RBM38: variants seen among roughly 807,000 people sequenced by gnomAD.
The protein encoded by RBM38 is RNA binding motif protein 38, also known as RNA-binding protein 38.
A neutral mutation model predicts 23.5 loss-of-function variants in RBM38; 11 were observed. That is an observed-to-expected ratio of 0.47 (90% CI 0.29 to 0.77). RBM38 has a LOEUF of 0.77. Ranked by LOEUF, RBM38 falls within the 30% of genes least tolerant of loss-of-function variation. RBM38 has a pLI of 0.08. For synonymous variants in RBM38, 165 were observed against 166.1 expected, an observed-to-expected ratio of 0.99 and a Z score of 0.05; for missense variants, 330 against 351.9, an observed-to-expected ratio of 0.94 and a Z score of 0.50.
intron 3 of RBM38, among the ~76,000 whole-genome samples, chr20:57,396,898 C>T (rs553427513): frequency 1.4e-4 from 21 of 152,308 alleles, no homozygotes; most frequent in South Asian, 4.1e-4. Flanking sequence ...CTGCCTCTGT[C>T]TTTTTTAGCA....
At chr20:57,392,279 C>T (rs1600741845) in intron 1 of RBM38, 1 of 524,128 alleles carries the variant, frequency 1.9e-6, no homozygotes, top group East Asian at 5.4e-5. Flanking sequence ...TCCTGCTTAC[C>T]TTCCAAGCAT....
chr20:57,393,170 C>G, intron 2 of RBM38, 109 bp from the exon 3 acceptor site: 1 of 1,054,910 alleles, frequency 9.5e-7, no homozygotes, highest in East Asian at 2.4e-5. Flanking sequence ...AGCGGATGAT[C>G]CCTTTTGACT....
intron 1 of RBM38, chr20:57,392,351 G>A: frequency 7.3e-7 from 1 of 1,360,982 alleles, no homozygotes; most frequent in African/African-American, 1.4e-5. Context: ...AGTCCAGGCG[G>A]CCCCCCAAGC....
chr20:57,391,961 C>G (rs1360808190), intron 1 of RBM38, 143 bp downstream of exon 1: 19 of 452,300 alleles, frequency 4.2e-5, no homozygotes, highest in African/African-American at 3.2e-4. Context: ...GCACCTGCCG[C>G]CTCTCCCGGG....
At chr20:57,401,988 T>C (rs922072883) in intron 3 of RBM38, among the ~76,000 whole-genome samples, 2 of 152,094 alleles carry the variant, frequency 1.3e-5, no homozygotes, top group African/African-American at 4.8e-5. Context: ...TCGCTCTGTC[T>C]CCAGGCTGGA....
chr20:57,401,527 G>C (rs1437814417), intron 3 of RBM38, among the ~76,000 whole-genome samples: 1 of 152,238 alleles, frequency 6.6e-6, no homozygotes, highest in Non-Finnish European at 1.5e-5. Flanking sequence ...GCAAAGCCGG[G>C]GCCTGCCTCA....
intron 3 of RBM38, among the ~76,000 whole-genome samples, chr20:57,398,894 G>A (rs188404639): frequency 6.6e-6 from 1 of 152,374 alleles, no homozygotes; most frequent in Non-Finnish European, 1.5e-5. Context: ...TAACTCTGCA[G>A]TGTGCTTGCG....
chr20:57,402,643 G>A (rs1049873649), intron 3 of RBM38, among the ~76,000 whole-genome samples: 3 of 152,264 alleles, frequency 2.0e-5, no homozygotes, highest in Non-Finnish European at 4.4e-5. Context: ...TGGCGTGTGA[G>A]TGGGGATGCT....
intron 3 of RBM38, among the ~76,000 whole-genome samples, chr20:57,395,846 GGCCTGACTCAGCGGCCAGTTT>G (rs1471174284): frequency 6.6e-6 from 1 of 152,158 alleles, no homozygotes; most frequent in Non-Finnish European, 1.5e-5. Context: ...AGCACAGCCG[GGCCTGACTCAGCGGCCAGTTT>G]TGTCGGCCTT....
chr20:57,403,139 A>G (rs2067346215), intron 3 of RBM38, among the ~76,000 whole-genome samples: 1 of 152,020 alleles, frequency 6.6e-6, no homozygotes, highest in Non-Finnish European at 1.5e-5. Context: ...GTCCCTAGGC[A>G]TTTTCCAGTG....
At position 57,392,689 on chromosome 20, in the gene RBM38, T is replaced by C. The variant is rs1376919328; in HGVS notation, c.273T>C (p.Ala91=). ...TMADRAAAER[A]CKDPNPIIDG... is the part of the protein sequence containing the mutation. Reference sequence around the variant, plus strand: ...CCGACCGGGCGGCAGCTGAGAGGGCTTGCAAAGACCCGAACCCCATCATCG... The same window carrying C: ...CCGACCGGGCGGCAGCTGAGAGGGCCTGCAAAGACCCGAACCCCATCATCG... The change falls in exon 2 of 4, where the codon GCT becomes GCC. Residue 91 remains alanine, a synonymous_variant. Transcript: ENST00000356208. The C allele has an allele frequency of 1.2e-6, 2 of 1,612,684 alleles. No individual in the cohort carries two copies. The highest frequency in any genetic ancestry group is 1.7e-5 in the Admixed American group (1 of 59,988).
chr20:57,407,928 C>G lies in RBM38; in HGVS notation c.*82C>G. 1 of 1,464,000 alleles carries G rather than the reference C, an allele frequency of 6.8e-7. No individual in the cohort carries two copies. Among genetic ancestry groups the G allele is most frequent in the Non-Finnish European group, 9.1e-7 (1 of 1,101,918 alleles). The allele number at this position is 1,464,000 out of a possible 1,614,324, so 90.7% of individuals were successfully genotyped here. On this transcript the variant is annotated 3_prime_UTR_variant, in exon 4 of 4. Transcript: ENST00000356208. This position sits in a 1 kb window ranked among gnomAD's most constrained non-coding sequence, Gnocchi z 4.0. ...CCAGGCCATGATGGGCTGGCGACAG[C>G]CCGGCTGAGCTTCAGTGAGGTGCCA...
chr20:57,396,333 G>A (rs552055494), intron 3 of RBM38, among the ~76,000 whole-genome samples: 3 of 152,352 alleles, frequency 2.0e-5, no homozygotes, highest in East Asian at 3.9e-4. Flanking sequence ...GGCCCACCAA[G>A]GGTGTCTGCC....
chr20:57,393,136 G>T, intron 2 of RBM38, 143 bp from the exon 3 acceptor site: 2 of 831,772 alleles, frequency 2.4e-6, no homozygotes, highest in South Asian at 3.0e-5. Flanking sequence ...GGTTCACAAG[G>T]GGGAGGCCTG....
chr20:57,391,731 C>T lies in RBM38; in HGVS notation c.150C>T (p.Leu50=), dbSNP rs760916554. The change falls in exon 1 of 4, where the codon CTC becomes CTT. Residue 50 remains leucine, a synonymous_variant. Transcript: ENST00000356208. ...CGTACCACACTACCGACGCCTCGCT[C>T]AGGAAGTACTTCGAGGGCTTCGGCG... is the stretch of plus-strand genomic sequence containing the variant. ...GLPYHTTDAS[L]RKYFEGFGDI... The T allele has an allele frequency of 1.5e-4, 236 of 1,561,392 alleles. 5 individuals carry two copies. In the South Asian group the frequency reaches 2.6e-3, roughly 18 times the overall value.
At position 57,407,753 on chromosome 20, in the gene RBM38, C is replaced by A; in HGVS notation, c.627C>A (p.Ala209=). ...AASFVGYSYP[A]AVPQALSAAA... is the part of the protein sequence containing the mutation. ...GCTTCGTGGGCTACAGCTACCCTGC[C>A]GCCGTGCCCCAGGCCCTCTCAGCCG... The change falls in exon 4 of 4, where the codon GCC becomes GCA. Residue 209 remains alanine, a synonymous_variant. Transcript: ENST00000356208. The surrounding 1 kb of genome is among the most constrained non-coding windows in gnomAD (Gnocchi z 4.0). The A allele has an allele frequency of 6.2e-7, 1 of 1,610,578 alleles. No individual in the cohort carries two copies. Among genetic ancestry groups the A allele is most frequent in the South Asian group, 1.1e-5 (1 of 90,868 alleles).
chr20:57,393,122 T>C, intron 2 of RBM38, 157 bp from the exon 3 acceptor site: 1 of 760,290 alleles, frequency 1.3e-6, no homozygotes, highest in Non-Finnish European at 2.3e-6. Flanking sequence ...GCGGTGTGCC[T>C]TGGGGTTCAC....
chr20:57,393,448 C>T (rs968768980), intron 3 of RBM38, 115 bp downstream of exon 3: 66 of 1,169,052 alleles, frequency 5.6e-5, no homozygotes, highest in Middle Eastern at 1.9e-4. Context: ...CATTTGATTG[C>T]GTTTAAGCCA....
At position 57,408,077 on chromosome 20, in the gene RBM38, A is replaced by C. The variant is rs928287390; in HGVS notation, c.*231A>C. 1.5e-5 allele frequency: 9 copies of C among 599,594 alleles called. No individual in the cohort carries two copies. The highest frequency in any genetic ancestry group is 1.3e-4 in the African/African-American group (7 of 53,756). The allele number at this position is 599,594 out of a possible 1,614,324, so 37.1% of individuals were successfully genotyped here. On this transcript the variant is annotated 3_prime_UTR_variant, in exon 4 of 4. Transcript: ENST00000356208. The stretch of plus-strand genomic sequence containing the variant: ...AGGGAGGACTTTAAGAATGACTGAG[A>C]ACTATTTAAAGACGCAATCCCAGGT...
Sources: gnomAD v4.1 joint callset for allele counts (sites outside exome capture counted in the v4.1 genomes callset) on GRCh38, gnomAD v4.1.1 for gene constraint, Gnocchi (gnomAD v3.1) non-coding constraint, MANE v1.5 for transcripts, NCBI Gene and HGNC (gene_info 2026-07-23, HGNC 2026-07-21) for gene names.